Variants in ATG4B observed in about 807,000 individuals in gnomAD.
ATG4B encodes the protein cysteine protease ATG4B.
Under a neutral mutation model 56.6 loss-of-function variants are expected in ATG4B, and 29 were observed. The observed-to-expected ratio is 0.51, with a 90% confidence interval of 0.38 to 0.70. The LOEUF (loss-of-function observed/expected upper bound fraction) is 0.70, where lower values mean the gene tolerates loss of function less well. ATG4B is among the 30% of genes least tolerant of loss of function. ATG4B has a pLI of 0.00. For synonymous variants in ATG4B, 224 were observed against 206.1 expected (o/e 1.09, Z -0.74); for missense variants, 461 against 515.5 (o/e 0.89, Z 1.02).
At chr2:241,653,421 T>C in intron 3 of ATG4B, 91 bp from the exon 4 acceptor site, 2 of 1,551,284 alleles carry the variant, frequency 1.3e-6, no homozygotes, top group Non-Finnish European at 1.7e-6. Flanking sequence ...GTGCCTGTGG[T>C]GTGGGACTGA....
rs1412163379 is a variant in ATG4B, at chr2:241,668,922, CGT to C, written c.957+242_957+243del. 2.7e-5 allele frequency: 16 copies of C among 588,580 alleles called. No individual in the cohort carries two copies. The highest frequency in any genetic ancestry group is 9.6e-5 in the Admixed American group (3 of 31,400). 36.5% of individuals were successfully genotyped at this position (588,580 alleles called of 1,614,324 possible). A position where few individuals can be genotyped will look rare whatever the true frequency, so the allele number is the denominator to read the frequency against. On this transcript the variant is annotated intron_variant, in intron 10 of 12. Transcript: ENST00000404914. This position sits in a 1 kb window ranked among gnomAD's most constrained non-coding sequence, Gnocchi z 4.2. ...CATGGCCTTCGAGTGGCCCAGAGAG[CGT>C]GTGTCTGGATGTGAGCGTGTGTGGG...
intron 1 of ATG4B, among the ~76,000 whole-genome samples, chr2:241,640,534 A>G (rs906411980): frequency 3.9e-5 from 6 of 152,232 alleles, no homozygotes; most frequent in African/African-American, 1.4e-4. Flanking sequence ...TCTAGACACT[A>G]GGACTAGAGA....
At chr2:241,637,825 C>T (rs2067717271) in intron 1 of ATG4B, 101 bp downstream of exon 1, 5 of 1,341,586 alleles carry the variant, frequency 3.7e-6, no homozygotes, top group Admixed American at 3.4e-5. Context: ...TCGGGGCACG[C>T]CGGTGCGGGC....
chr2:241,670,158 A>T (rs1409254061), intron 10 of ATG4B, among the ~76,000 whole-genome samples: 1 of 152,226 alleles, frequency 6.6e-6, no homozygotes, highest in Non-Finnish European at 1.5e-5. Context: ...TTGTGTTAAC[A>T]TCTGCGCATC....
Position 241,668,509 on chromosome 2 carries a change from A to ACCCACCTG in ATG4B, c.812-20_812-13dup, listed in dbSNP as rs918666073. The ACCCACCTG allele has an allele frequency of 1.3e-6, 2 of 1,596,456 alleles. No homozygotes were observed. The highest frequency in any genetic ancestry group is 1.3e-5 in the African/African-American group (1 of 74,420). ...GTCCCTTTCCTCTGCCGGCTCGGCC[A>ACCCACCTG]CCCACCTGCCCACCTGCCTCATCCT... On this transcript the variant is annotated intron_variant, in intron 9 of 12. Transcript: ENST00000404914. The surrounding 1 kb of genome is among the most constrained non-coding windows in gnomAD (Gnocchi z 4.2).
intron 1 of ATG4B, 165 bp downstream of exon 1, chr2:241,637,889 T>TGGGGGGGG: frequency 6.5e-6 from 1 of 154,668 alleles, no homozygotes; most frequent in Non-Finnish European, 1.3e-5. Context: ...TGTTGGTGGG[T>TGGGGGGGG]GGTGGGCGGT....
At chr2:241,663,843 T>C (rs1157474080) in intron 7 of ATG4B, among the ~76,000 whole-genome samples, 1 of 151,200 alleles carries the variant, frequency 6.6e-6, no homozygotes, top group African/African-American at 2.4e-5. Context: ...AGTTCTGCTC[T>C]GTCGCCAGGC....
intron 1 of ATG4B, among the ~76,000 whole-genome samples, chr2:241,643,470 G>T (rs1373668462): frequency 2.7e-5 from 4 of 149,006 alleles, no homozygotes; most frequent in African/African-American, 9.9e-5. Context: ...GCTTCTTAAA[G>T]TGCTGGGATT....
At position 241,672,624 on chromosome 2, in the gene ATG4B, T is replaced by C. The variant is rs2069020229; in HGVS notation, c.*360T>C. On this transcript the variant is annotated 3_prime_UTR_variant, in exon 13 of 13. Transcript: ENST00000404914. ...TTTGGAATTAAAGTCCTGTTTGAAG[T>C]TGTCAGACACAGACATGAATTTCTG... 3.5e-6 allele frequency: 1 copy of C among 287,174 alleles called. No homozygotes were observed. Among genetic ancestry groups the C allele is most frequent in the South Asian group, 4.3e-5 (1 of 23,494 alleles). The allele number at this position is 287,174 out of a possible 1,614,324, so 17.8% of individuals were successfully genotyped here. A position where few individuals can be genotyped will look rare whatever the true frequency, so the allele number is the denominator to read the frequency against.
intron 7 of ATG4B, among the ~76,000 whole-genome samples, chr2:241,664,019 C>CAT (rs2068678177): frequency 6.6e-6 from 1 of 152,040 alleles, no homozygotes; most frequent in African/African-American, 2.4e-5. Context: ...CATATTTCAC[C>CAT]ATGTTGGCCA....
At position 241,668,879 on chromosome 2, in the gene ATG4B, C is replaced by T. The variant is rs1034920708; in HGVS notation, c.957+194C>T. ...ACCCTCACGTCCCTCCCCCAGGCAC[C>T]ACCTCCTGTGCAGCCTTCATGGCCT... On this transcript the variant is annotated intron_variant, in intron 10 of 12. Transcript: ENST00000404914. The surrounding 1 kb of genome is among the most constrained non-coding windows in gnomAD (Gnocchi z 4.2). 28 of 758,440 alleles carry T rather than the reference C, an allele frequency of 3.7e-5. No homozygotes were observed. The highest frequency in any genetic ancestry group is 5.2e-5 in the Non-Finnish European group (25 of 480,998). The allele number at this position is 758,440 out of a possible 1,614,324, so 47.0% of individuals were successfully genotyped here.
chr2:241,646,993 A>G (rs894989533), intron 1 of ATG4B, among the ~76,000 whole-genome samples: 1 of 152,050 alleles, frequency 6.6e-6, no homozygotes, highest in African/African-American at 2.4e-5. Context: ...CATGTTGACC[A>G]GGCTGGTCTC....
intron 7 of ATG4B, among the ~76,000 whole-genome samples, chr2:241,662,255 A>G (rs1418066822): frequency 6.6e-6 from 1 of 152,178 alleles, no homozygotes; most frequent in African/African-American, 2.4e-5. Flanking sequence ...TAAACATCCA[A>G]ATAATAGTAT....
At chr2:241,664,618 C>T (rs965991550) in intron 7 of ATG4B, among the ~76,000 whole-genome samples, 1 of 152,180 alleles carries the variant, frequency 6.6e-6, no homozygotes, top group Non-Finnish European at 1.5e-5. Context: ...CTCAGGGAGG[C>T]TGAGTTGGAG....
chr2:241,641,997 C>T (rs967398258), intron 1 of ATG4B, among the ~76,000 whole-genome samples: 1 of 151,702 alleles, frequency 6.6e-6, no homozygotes, highest in Non-Finnish European at 1.5e-5. Context: ...GCTTGCATTT[C>T]TAGTGCATCA....
rs536229497 is a variant in ATG4B at position 241,645,128 on chromosome 2, C to G, written c.11-5882C>G. 5.9e-5 allele frequency among the ~76,000 whole-genome samples: 9 copies of G among 152,266 alleles called. 1 individual carries two copies. In the South Asian group the frequency reaches 1.9e-3, roughly 32 times the overall value. The stretch of plus-strand genomic sequence containing the variant: ...CGAGGGTGTCCAGGAGGGGTGAGTT[C>G]TGCTCGGAGGGCCTGCCGAGGGCAT... On this transcript the variant is annotated intron_variant, in intron 1 of 12. Coordinates refer to ENST00000404914, the MANE Select transcript of ATG4B (RefSeq NM_013325.5).
intron 5 of ATG4B, chr2:241,655,003 G>T: frequency 1.7e-6 from 1 of 578,838 alleles, no homozygotes; most frequent in Non-Finnish European, 3.1e-6. Context: ...TTGCAAGCAA[G>T]GCCGGCTTTT....
At position 241,654,756 on chromosome 2, in the gene ATG4B, C is replaced by T. The variant is rs2068342554; in HGVS notation, c.385+109C>T. On this transcript the variant is annotated intron_variant, in intron 5 of 12. Coordinates refer to ENST00000404914, the MANE Select transcript of ATG4B (RefSeq NM_013325.5). ...GTGTCGTGGGATGTGGAGCAGGAGGCTGTAAACCTGTAAACACTGACCTCT... is the reference window on the plus strand; with the variant it reads ...GTGTCGTGGGATGTGGAGCAGGAGGTTGTAAACCTGTAAACACTGACCTCT... 4 of 789,194 alleles carry T rather than the reference C, an allele frequency of 5.1e-6. No individual in the cohort carries two copies. The Admixed American group carries it at 7.0e-5, about 14-fold the overall frequency. 48.9% of individuals were successfully genotyped at this position (789,194 alleles called of 1,614,324 possible).
chr2:241,657,382 T>G (rs1360546554), intron 6 of ATG4B, among the ~76,000 whole-genome samples: 1 of 151,654 alleles, frequency 6.6e-6, no homozygotes, highest in Non-Finnish European at 1.5e-5. Flanking sequence ...CACTGCTACC[T>G]CCGCCTCCCG....
Sources: gnomAD v4.1 joint callset for allele counts (sites outside exome capture counted in the v4.1 genomes callset) on GRCh38, gnomAD v4.1.1 for gene constraint, Gnocchi (gnomAD v3.1) non-coding constraint, MANE v1.5 for transcripts, NCBI Gene and HGNC (gene_info 2026-07-23, HGNC 2026-07-21) for gene names.